The following RPS6KC1 variants were observed in gnomAD, a reference collection of about 807,000 sequenced individuals.
RPS6KC1 encodes the protein inactive ribosomal protein S6 kinase delta-1.
Under a neutral mutation model 103.8 loss-of-function variants are expected in RPS6KC1, and 54 were observed. The ratio of observed to expected loss-of-function variants is 0.52; its 90% CI spans 0.42 to 0.65. RPS6KC1 has a LOEUF of 0.65. Ranked by LOEUF, RPS6KC1 falls within the 30% of genes least tolerant of loss-of-function variation. The pLI, the probability that RPS6KC1 is intolerant of heterozygous loss-of-function variation, is 0.00. For missense variants in RPS6KC1, 1,151 were observed against 1,253.8 expected (o/e 0.92, Z 1.24); for synonymous variants, 439 against 438.7 (o/e 1.00, Z -0.01).
chr1:213,283,636 AG>A, the RPS6KC1 span, among the ~76,000 whole-genome samples: 1 of 152,116 alleles, frequency 6.6e-6, no homozygotes, highest in Non-Finnish European at 1.5e-5. Context: ...AGCTCGAGAT[AG>A]GGGGGATTAG....
At chr1:213,709,655 T>C in the RPS6KC1 span, among the ~76,000 whole-genome samples, 3 of 152,346 alleles carry the variant, frequency 2.0e-5, no homozygotes, top group African/African-American at 7.2e-5. Flanking sequence ...AGTGGGCATT[T>C]ATTGCTATAA....
intron 8 of RPS6KC1, among the ~76,000 whole-genome samples, chr1:213,179,230 T>C (rs2092096915): frequency 6.6e-6 from 1 of 151,764 alleles, no homozygotes. Flanking sequence ...GCCTAGCCAA[T>C]ATGGGGAAAC....
chr1:213,587,634 AGCTCC>A, the RPS6KC1 span, among the ~76,000 whole-genome samples: 1 of 152,270 alleles, frequency 6.6e-6, no homozygotes, highest in Non-Finnish European at 1.5e-5. Flanking sequence ...GATTTTGATT[AGCTCC>A]AGAGTAAACT....
At chr1:213,831,901 C>G in the RPS6KC1 span, among the ~76,000 whole-genome samples, 1 of 152,194 alleles carries the variant, frequency 6.6e-6, no homozygotes, top group Non-Finnish European at 1.5e-5. Flanking sequence ...CTGGCTTCCT[C>G]TGCGCTAGGT....
At chr1:213,507,400 C>T in the RPS6KC1 span, among the ~76,000 whole-genome samples, 2,735 of 152,182 alleles carry the variant, frequency 0.018, 84 homozygotes, top group African/African-American at 0.062. Flanking sequence ...TGCAGTTGAC[C>T]TGGGTAGAGG....
the RPS6KC1 span, among the ~76,000 whole-genome samples, chr1:213,559,046 C>T: frequency 6.6e-6 from 1 of 152,318 alleles, no homozygotes; most frequent in Middle Eastern, 3.4e-3. Flanking sequence ...CAGAGAAGCA[C>T]ATATCTTCAA....
At chr1:213,279,924 G>T in the RPS6KC1 span, among the ~76,000 whole-genome samples, 6 of 152,186 alleles carry the variant, frequency 3.9e-5, no homozygotes, top group East Asian at 1.9e-4. Flanking sequence ...TGCCACAGCG[G>T]TCTGTGTTTT....
chr1:213,226,764 T>C (rs2093973859), intron 8 of RPS6KC1, among the ~76,000 whole-genome samples: 1 of 152,206 alleles, frequency 6.6e-6, no homozygotes, highest in Admixed American at 6.5e-5. Context: ...CTCTCTGTTG[T>C]TTAGCATAGA....
At chr1:213,773,399 T>C in the RPS6KC1 span, among the ~76,000 whole-genome samples, 1 of 150,566 alleles carries the variant, frequency 6.6e-6, no homozygotes, top group Admixed American at 6.6e-5. Flanking sequence ...TGGTTAGATA[T>C]ATATCTATAG....
the RPS6KC1 span, among the ~76,000 whole-genome samples, chr1:213,670,859 C>T: frequency 1.3e-5 from 2 of 152,206 alleles, no homozygotes; most frequent in South Asian, 4.1e-4. Context: ...CTCATTTCCT[C>T]TGTGACCTTG....
the RPS6KC1 span, among the ~76,000 whole-genome samples, chr1:213,795,803 C>G: frequency 6.6e-6 from 1 of 152,124 alleles, no homozygotes; most frequent in Non-Finnish European, 1.5e-5. Context: ...GCTTATGCCC[C>G]AAATTCTCTG....
the RPS6KC1 span, among the ~76,000 whole-genome samples, chr1:213,642,111 A>G: frequency 1.3e-5 from 2 of 152,242 alleles, no homozygotes; most frequent in Admixed American, 1.3e-4. Context: ...GTTTCTCCTG[A>G]AGCTCTTCCT....
the RPS6KC1 span, among the ~76,000 whole-genome samples, chr1:213,442,754 C>G: frequency 2.0e-5 from 3 of 152,184 alleles, no homozygotes; most frequent in African/African-American, 7.2e-5. Context: ...CTGTACACAT[C>G]TCTTTTCTCG....
At chr1:213,780,067 G>A in the RPS6KC1 span, among the ~76,000 whole-genome samples, 1 of 152,084 alleles carries the variant, frequency 6.6e-6, no homozygotes, top group East Asian at 1.9e-4. Flanking sequence ...ACATTTACAT[G>A]TAAATTTACT....
chr1:213,663,554 G>A, the RPS6KC1 span, among the ~76,000 whole-genome samples: 1 of 152,166 alleles, frequency 6.6e-6, no homozygotes. Context: ...TAAATGATTT[G>A]CTAGGGCCAC....
At chr1:213,270,954 C>A (rs1456236486) in intron 14 of RPS6KC1, among the ~76,000 whole-genome samples, 1 of 152,112 alleles carries the variant, frequency 6.6e-6, no homozygotes, top group Non-Finnish European at 1.5e-5. Context: ...TGTAGAGAAA[C>A]CGAAATCCTC....
At chr1:213,504,151 T>C in the RPS6KC1 span, among the ~76,000 whole-genome samples, 1 of 152,226 alleles carries the variant, frequency 6.6e-6, no homozygotes, top group Non-Finnish European at 1.5e-5. Flanking sequence ...CTTTTAATAA[T>C]GTATCTTTTT....
At chr1:213,551,086 T>A in the RPS6KC1 span, among the ~76,000 whole-genome samples, 1 of 152,090 alleles carries the variant, frequency 6.6e-6, no homozygotes, top group African/African-American at 2.4e-5. Flanking sequence ...TCTGCAGAAT[T>A]TTTTATTTCT....
chr1:213,387,110 A>G, the RPS6KC1 span, among the ~76,000 whole-genome samples: 1 of 152,254 alleles, frequency 6.6e-6, no homozygotes, highest in African/African-American at 2.4e-5. Context: ...CTTTCAGCCC[A>G]GTAGGGAAGA....
Sources: allele counts gnomAD v4.1 joint callset (sites outside exome capture counted in the v4.1 genomes callset), GRCh38; gene constraint gnomAD v4.1.1; transcripts MANE v1.5; gene names NCBI Gene and HGNC (gene_info 2026-07-23, HGNC 2026-07-21).